Variants in NELL2 observed in about 807,000 individuals in gnomAD.
NELL2 encodes protein kinase C-binding protein NELL2.
In NELL2, 41 loss-of-function variants were observed where a neutral mutation model predicts 109.6. The observed-to-expected ratio is 0.37, with a 90% confidence interval of 0.29 to 0.49. The LOEUF (loss-of-function observed/expected upper bound fraction) is 0.49. NELL2 is among the 20% of genes least tolerant of loss of function. The pLI is 0.98. For synonymous variants in NELL2, 355 were observed against 344.7 expected (o/e 1.03, Z -0.33); for missense variants, 900 against 1,008.3 (o/e 0.89, Z 1.45).
rs56835414 is a variant in NELL2 at position 44,758,045 on chromosome 12, TAC to T, written c.994+16700_994+16701del. 6.4e-3 allele frequency among the ~76,000 whole-genome samples: 953 copies of T among 149,708 alleles called. 13 individuals carry two copies. The highest frequency in any genetic ancestry group is 0.041 in the East Asian group (210 of 5,104). On this transcript the variant is annotated intron_variant, in intron 9 of 19. Transcript: ENST00000429094. The stretch of plus-strand genomic sequence containing the variant: ...AAAATTGTCTTTTGATACAGGAGAT[TAC>T]ACACACACACACACACTCCCCCGCC...
chr12:44,523,561 C>G, intron 16 of NELL2, 77 bp from the exon 17 acceptor site: 2 of 1,240,786 alleles, frequency 1.6e-6, no homozygotes, highest in South Asian at 2.5e-5. Flanking sequence ...GGCCAGTTGT[C>G]TCCTGACATA....
At chr12:44,649,836 A>T (rs542634208) in intron 13 of NELL2, among the ~76,000 whole-genome samples, 1 of 152,194 alleles carries the variant, frequency 6.6e-6, no homozygotes, top group Non-Finnish European at 1.5e-5. Flanking sequence ...CTGTGATCAC[A>T]GGAGCATTTA....
chr12:44,911,992 A>C (rs1945785121), intron 1 of NELL2, among the ~76,000 whole-genome samples: 1 of 151,020 alleles, frequency 6.6e-6, no homozygotes. Context: ...TAAAAAAATA[A>C]ATAAATAAAA....
chr12:44,669,393 C>G (rs1438873923), intron 12 of NELL2, among the ~76,000 whole-genome samples: 1 of 151,870 alleles, frequency 6.6e-6, no homozygotes, highest in Non-Finnish European at 1.5e-5. Flanking sequence ...TAACAGATCC[C>G]AACATAAAGG....
intron 13 of NELL2, among the ~76,000 whole-genome samples, chr12:44,624,950 C>A (rs1375064187): frequency 7.0e-6 from 1 of 142,652 alleles, no homozygotes; most frequent in Non-Finnish European, 1.5e-5. Context: ...TCTTGAGAAA[C>A]ATAATTTTCT....
chr12:44,780,091 C>T, intron 3 of NELL2, 69 bp from the exon 4 acceptor site: 1 of 1,531,084 alleles, frequency 6.5e-7, no homozygotes, highest in African/African-American at 1.4e-5. Flanking sequence ...TGATCTCTGT[C>T]TACGGGATGG....
At chr12:44,811,551 C>T (rs781105504) in intron 3 of NELL2, among the ~76,000 whole-genome samples, 10 of 151,878 alleles carry the variant, frequency 6.6e-5, no homozygotes, top group Non-Finnish European at 8.8e-5. Flanking sequence ...ACATAGATGC[C>T]GAGCAGATAG....
chr12:44,616,997 A>C (rs1251720756), intron 13 of NELL2, among the ~76,000 whole-genome samples: 2 of 152,176 alleles, frequency 1.3e-5, no homozygotes, highest in African/African-American at 2.4e-5. Context: ...AATGAGTACA[A>C]GCTGAGTTTA....
At chr12:44,847,868 C>G (rs1432126503) in intron 2 of NELL2, among the ~76,000 whole-genome samples, 1 of 151,754 alleles carries the variant, frequency 6.6e-6, no homozygotes, top group African/African-American at 2.4e-5. Flanking sequence ...CCCATCTCTA[C>G]TAAAAACACA....
intron 1 of NELL2, among the ~76,000 whole-genome samples, chr12:44,910,107 G>T (rs370821750): frequency 9.9e-5 from 15 of 152,038 alleles, no homozygotes; most frequent in African/African-American, 3.4e-4. Flanking sequence ...AAAAGCAATA[G>T]CAACAAAAGC....
chr12:44,782,192 G>A (rs1288325009), intron 3 of NELL2, among the ~76,000 whole-genome samples: 2 of 151,834 alleles, frequency 1.3e-5, no homozygotes, highest in Non-Finnish European at 2.9e-5. Flanking sequence ...CTGGTAAAAT[G>A]ACTATACGAA....
chr12:44,817,538 T>C (rs949927797), intron 2 of NELL2, among the ~76,000 whole-genome samples: 2 of 152,040 alleles, frequency 1.3e-5, no homozygotes, highest in African/African-American at 4.8e-5. Flanking sequence ...GAAGGCTCAA[T>C]AAGTAGATGC....
intron 9 of NELL2, among the ~76,000 whole-genome samples, chr12:44,735,898 A>G (rs1189732336): frequency 6.6e-6 from 1 of 152,108 alleles, no homozygotes; most frequent in African/African-American, 2.4e-5. Flanking sequence ...ATTAATTGAA[A>G]ATAGAAGACT....
At chr12:44,545,045 G>A (rs1336488411) in intron 15 of NELL2, among the ~76,000 whole-genome samples, 1 of 151,920 alleles carries the variant, frequency 6.6e-6, no homozygotes, top group East Asian at 1.9e-4. Flanking sequence ...AAAAAAGAGT[G>A]TCAAAAACAG....
intron 13 of NELL2, among the ~76,000 whole-genome samples, chr12:44,645,154 A>T (rs1947048084): frequency 6.6e-6 from 1 of 152,180 alleles, no homozygotes; most frequent in Admixed American, 6.5e-5. Context: ...ACTAAATATG[A>T]GAAGCAAGAC....
At chr12:44,630,359 T>C (rs1946408006) in intron 13 of NELL2, among the ~76,000 whole-genome samples, 1 of 152,222 alleles carries the variant, frequency 6.6e-6, no homozygotes, top group African/African-American at 2.4e-5. Context: ...CAAAGAATTT[T>C]AAGTAGAGGA....
At chr12:44,622,129 A>C (rs1320510018) in intron 13 of NELL2, among the ~76,000 whole-genome samples, 1 of 152,194 alleles carries the variant, frequency 6.6e-6, no homozygotes, top group Non-Finnish European at 1.5e-5. Context: ...TCCAACAGAT[A>C]CAAAATCAAC....
At chr12:44,648,731 ATTTTT>A (rs71459072) in intron 13 of NELL2, among the ~76,000 whole-genome samples, 29,231 of 88,662 alleles carry the variant, frequency 0.33, 4,148 homozygotes, top group East Asian at 0.55. Flanking sequence ...ATATATATAT[ATTTTT>A]TTTTTTTTTT....
rs1592252171 is a variant in NELL2 at position 44,640,218 on chromosome 12, T to C, written c.1444+25266A>G. On this transcript the variant is annotated intron_variant, in intron 13 of 19. Coordinates refer to ENST00000429094, the MANE Select transcript of NELL2 (RefSeq NM_001145108.2). ...ATGATGATCATCATTACAATTTAAA[T>C]TTATTGCACACTTGCTATGCACCAG... Among the ~76,000 whole-genome samples the C allele has an allele frequency of 2.6e-5, 4 of 152,310 alleles. No homozygotes were observed. The East Asian group carries it at 7.7e-4, about 29-fold the overall frequency.
Sources: gnomAD v4.1 joint callset for allele counts (sites outside exome capture counted in the v4.1 genomes callset) on GRCh38, gnomAD v4.1.1 for gene constraint, MANE v1.5 for transcripts, NCBI Gene and HGNC (gene_info 2026-07-23, HGNC 2026-07-21) for gene names.